Variants in SDK1 observed in about 807,000 individuals in gnomAD.
The protein encoded by SDK1 is sidekick cell adhesion molecule 1, also known as protein sidekick-1.
SDK1 carries 157 observed loss-of-function variants against 245.5 expected under a neutral mutation model. That is an observed-to-expected ratio of 0.64 (90% CI 0.56 to 0.73). The LOEUF is 0.73. Among genes scored for constraint, SDK1 ranks in the 30% least tolerant of loss-of-function variants. The pLI, the probability that SDK1 is intolerant of heterozygous loss-of-function variation, is 0.00. For missense variants in SDK1, 3,583 were observed against 3,002.3 expected (o/e 1.19, Z -4.52); for synonymous variants, 1,647 against 1,278.5 (o/e 1.29, Z -6.15).
intron 29 of SDK1, among the ~76,000 whole-genome samples, chr7:4,148,375 G>C (rs1780129683): frequency 6.6e-6 from 1 of 152,246 alleles, no homozygotes; most frequent in Non-Finnish European, 1.5e-5. Flanking sequence ...TCGATGGGGT[G>C]CAGAGGCACA....
intron 1 of SDK1, among the ~76,000 whole-genome samples, chr7:3,414,831 T>G (rs960057071): frequency 2.0e-5 from 3 of 152,174 alleles, no homozygotes; most frequent in South Asian, 2.1e-4. Context: ...TAATGTGTGT[T>G]TTTTTTGGTG....
At chr7:3,764,015 G>A (rs1320883234) in intron 4 of SDK1, among the ~76,000 whole-genome samples, 1 of 152,090 alleles carries the variant, frequency 6.6e-6, no homozygotes, top group Non-Finnish European at 1.5e-5. Flanking sequence ...GAAAATTTTT[G>A]CCATAGAAAA....
chr7:4,044,053 C>G (rs1359054966), intron 17 of SDK1, among the ~76,000 whole-genome samples: 3 of 152,158 alleles, frequency 2.0e-5, no homozygotes, highest in African/African-American at 7.2e-5. Context: ...ACTGACTACC[C>G]CAAAACTTAG....
chr7:3,528,267 A>G (rs1451635198), intron 1 of SDK1, among the ~76,000 whole-genome samples: 43 of 98,356 alleles, frequency 4.4e-4, no homozygotes, highest in African/African-American at 6.0e-4. Context: ...GGTGAGTGGT[A>G]GGAGGTGAGG....
intron 5 of SDK1, among the ~76,000 whole-genome samples, chr7:3,931,533 C>T (rs1490213101): frequency 6.6e-6 from 1 of 152,200 alleles, no homozygotes; most frequent in Non-Finnish European, 1.5e-5. Flanking sequence ...CGTAGCTAAC[C>T]AAGTCCCTCC....
At chr7:3,430,430 C>G (rs1461282501) in intron 1 of SDK1, among the ~76,000 whole-genome samples, 1 of 152,172 alleles carries the variant, frequency 6.6e-6, no homozygotes, top group African/African-American at 2.4e-5. Context: ...GACTGGAACT[C>G]CACTAGATAC....
chr7:3,675,664 C>T (rs1423855300), intron 4 of SDK1, among the ~76,000 whole-genome samples: 3 of 152,052 alleles, frequency 2.0e-5, no homozygotes, highest in African/African-American at 7.2e-5. Flanking sequence ...GCCTGGAACT[C>T]CCGGTCTCAA....
rs146423033 is a variant in SDK1 at position 3,821,481 on chromosome 7, C to T, written c.745C>T (p.Leu249Phe). Residue 249 changes from leucine to phenylalanine, a missense_variant, in exon 5 of 45, where the codon CTC (leucine) becomes TTC (phenylalanine). Physicochemically the swap from Leu to Phe is conservative, Grantham distance 22. Transcript: ENST00000404826. ...AITLENQLVILATTTSDAGAY... is the reference protein window; with the variant it reads ...AITLENQLVIFATTTSDAGAY... ...CACATTGGAGAATCAGCTGGTGATC[C>T]TCGCCACCACAACCAGTGATGCCGG... is the stretch of plus-strand genomic sequence containing the variant. 2.0e-5 allele frequency: 33 copies of T among 1,613,430 alleles called. No individual in the cohort carries two copies. The highest frequency in any genetic ancestry group is 2.7e-5 in the Non-Finnish European group (32 of 1,179,742).
intron 1 of SDK1, among the ~76,000 whole-genome samples, chr7:3,393,714 C>G (rs1781820389): frequency 6.6e-6 from 1 of 152,118 alleles, no homozygotes; most frequent in South Asian, 2.1e-4. Flanking sequence ...ATTTCAATCT[C>G]TGTTAAATTT....
intron 14 of SDK1, among the ~76,000 whole-genome samples, chr7:3,993,394 T>C (rs1207122896): frequency 6.6e-6 from 1 of 152,206 alleles, no homozygotes; most frequent in Non-Finnish European, 1.5e-5. Flanking sequence ...TTGTATGTCT[T>C]GTGGTAAATG....
At chr7:3,607,874 C>A (rs1177402871) in intron 1 of SDK1, among the ~76,000 whole-genome samples, 1 of 152,352 alleles carries the variant, frequency 6.6e-6, no homozygotes, top group East Asian at 1.9e-4. Context: ...GTAATTTAAT[C>A]CTTGAGACAA....
Position 4,077,092 on chromosome 7 carries a change from C to T in SDK1, c.3105C>T (p.Leu1035=). Residue 1035 remains leucine, a synonymous_variant, in exon 21 of 45, where the codon CTC becomes CTT. Coordinates refer to ENST00000404826, the MANE Select transcript of SDK1 (RefSeq NM_152744.4). The part of the protein sequence containing the change: ...STTHEYKIQG[L]SSLTTYTIDV... ...CGCACGAGTACAAGATCCAAGGCCT[C>T]TCATCTCTCACCACCTACACCATCG... 1.2e-6 allele frequency: 2 copies of T among 1,614,240 alleles called. No homozygotes were observed. The highest frequency in any genetic ancestry group is 1.1e-5 in the South Asian group (1 of 91,088).
chr7:3,900,242 A>G (rs1338981544), intron 5 of SDK1, among the ~76,000 whole-genome samples: 1 of 152,210 alleles, frequency 6.6e-6, no homozygotes, highest in African/African-American at 2.4e-5. Flanking sequence ...TAAAATTTAC[A>G]TAAATATTTT....
intron 1 of SDK1, among the ~76,000 whole-genome samples, chr7:3,304,388 G>A (rs1204223230): frequency 4.6e-5 from 7 of 152,222 alleles, no homozygotes; most frequent in African/African-American, 1.7e-4. Context: ...GGCTAAAGAT[G>A]TATAAGCAGT....
At chr7:4,189,842 TC>T (rs1783090496) in intron 35 of SDK1, among the ~76,000 whole-genome samples, 1 of 152,238 alleles carries the variant, frequency 6.6e-6, no homozygotes, top group Admixed American at 6.5e-5. Context: ...GTTTGGTTGT[TC>T]CTGGTGTACA....
intron 1 of SDK1, among the ~76,000 whole-genome samples, chr7:3,371,091 G>A (rs774954840): frequency 1.1e-4 from 16 of 152,136 alleles, no homozygotes; most frequent in Non-Finnish European, 5.9e-5. Flanking sequence ...TGTGACAGTT[G>A]ACAAGAGTGC....
intron 1 of SDK1, among the ~76,000 whole-genome samples, chr7:3,502,575 CT>C (rs1223408135): frequency 2.6e-5 from 4 of 152,044 alleles, no homozygotes; most frequent in South Asian, 2.1e-4. Flanking sequence ...AATAGCACCC[CT>C]AATGTATTTA....
intron 22 of SDK1, among the ~76,000 whole-genome samples, chr7:4,084,535 G>A (rs758878173): frequency 6.6e-6 from 1 of 152,192 alleles, no homozygotes; most frequent in East Asian, 1.9e-4. Flanking sequence ...GAGCACCAAG[G>A]TGGATCTCCT....
At chr7:4,124,864 G>C (rs896780415) in intron 25 of SDK1, among the ~76,000 whole-genome samples, 3 of 152,120 alleles carry the variant, frequency 2.0e-5, no homozygotes, top group African/African-American at 7.2e-5. Flanking sequence ...CGAATGGATG[G>C]ATGGGTGGAT....
Sources: gnomAD v4.1 joint callset for allele counts (sites outside exome capture counted in the v4.1 genomes callset) on GRCh38, gnomAD v4.1.1 for gene constraint, MANE v1.5 for transcripts, NCBI Gene and HGNC (gene_info 2026-07-23, HGNC 2026-07-21) for gene names.